EXOC6: variants seen among roughly 807,000 people sequenced by gnomAD.
EXOC6 encodes the protein SEC15-like 1.
A neutral mutation model predicts 112.5 loss-of-function variants in EXOC6; 60 were observed. The ratio of observed to expected loss-of-function variants is 0.53; its 90% CI spans 0.43 to 0.66. EXOC6 has a LOEUF of 0.66. Among genes scored for constraint, EXOC6 ranks in the 30% least tolerant of loss-of-function variants. The pLI is 0.00. For synonymous variants in EXOC6, 295 were observed against 308.0 expected (o/e 0.96, Z 0.44); for missense variants, 855 against 957.1 (o/e 0.89, Z 1.41).
At chr10:92,926,528 T>C (rs1391199290) in intron 8 of EXOC6, among the ~76,000 whole-genome samples, 1 of 137,088 alleles carries the variant, frequency 7.3e-6, no homozygotes, top group Non-Finnish European at 1.6e-5. Flanking sequence ...AAAAGAAAAA[T>C]AAAAAAAAAA....
chr10:93,013,860 C>T (rs966822573), intron 19 of EXOC6, among the ~76,000 whole-genome samples: 1 of 152,070 alleles, frequency 6.6e-6, no homozygotes, highest in Non-Finnish European at 1.5e-5. Flanking sequence ...CTTCTACAAT[C>T]GTTCACCTAA....
intron 6 of EXOC6, among the ~76,000 whole-genome samples, chr10:92,911,096 C>T (rs1850733670): frequency 1.4e-5 from 2 of 139,318 alleles, no homozygotes; most frequent in Admixed American, 1.5e-4. Flanking sequence ...TTTCTAAGAG[C>T]TGTTCTTGCA....
At chr10:92,873,261 G>A (rs978892212) in intron 1 of EXOC6, among the ~76,000 whole-genome samples, 1 of 152,122 alleles carries the variant, frequency 6.6e-6, no homozygotes, top group Non-Finnish European at 1.5e-5. Flanking sequence ...TTTCACCATG[G>A]AGGATGTTCA....
chr10:92,895,291 C>G (rs1849689291), intron 4 of EXOC6, among the ~76,000 whole-genome samples: 1 of 145,446 alleles, frequency 6.9e-6, no homozygotes. Context: ...GCCTTTTGTC[C>G]CCCATAACCC....
intron 6 of EXOC6, among the ~76,000 whole-genome samples, chr10:92,910,059 C>T (rs1442956677): frequency 1.3e-5 from 2 of 152,206 alleles, no homozygotes; most frequent in South Asian, 2.1e-4. Context: ...CAATAATAAA[C>T]GGACAAACAA....
intron 1 of EXOC6, among the ~76,000 whole-genome samples, chr10:92,849,185 T>A (rs1357111565): frequency 6.6e-6 from 1 of 151,920 alleles, no homozygotes; most frequent in African/African-American, 2.4e-5. Context: ...GCGGCCGCAG[T>A]GGGCGAGAAG....
At chr10:93,026,028 C>T (rs963738059) in intron 20 of EXOC6, among the ~76,000 whole-genome samples, 12 of 152,168 alleles carry the variant, frequency 7.9e-5, no homozygotes, top group African/African-American at 2.9e-4. Context: ...CTTTCTTTTG[C>T]TCATTGTCTT....
chr10:92,981,419 T>G (rs1427239566), intron 18 of EXOC6, among the ~76,000 whole-genome samples: 1 of 152,342 alleles, frequency 6.6e-6, no homozygotes, highest in East Asian at 1.9e-4. Flanking sequence ...GAAGGTAGTT[T>G]ATTGATTTAC....
chr10:93,005,720 G>A (rs1843946739), intron 19 of EXOC6, among the ~76,000 whole-genome samples: 1 of 152,152 alleles, frequency 6.6e-6, no homozygotes, highest in South Asian at 2.1e-4. Flanking sequence ...GCTCCTAAGG[G>A]TTTAACATCT....
At chr10:93,055,395 C>A (rs1846489855) in intron 20 of EXOC6, among the ~76,000 whole-genome samples, 1 of 152,110 alleles carries the variant, frequency 6.6e-6, no homozygotes, top group South Asian at 2.1e-4. Flanking sequence ...AGATTAATAT[C>A]TTTGTGCATA....
At chr10:92,979,615 G>C (rs779577541) in intron 18 of EXOC6, among the ~76,000 whole-genome samples, 2 of 152,054 alleles carry the variant, frequency 1.3e-5, no homozygotes, top group Non-Finnish European at 2.9e-5. Context: ...TTATATCCAA[G>C]GTTAGATGAG....
chr10:92,977,335 A>G (rs958973077), intron 18 of EXOC6, among the ~76,000 whole-genome samples: 29 of 152,092 alleles, frequency 1.9e-4, no homozygotes, highest in African/African-American at 6.3e-4. Context: ...CAAAGAACCA[A>G]TTAGAAAAGT....
intron 17 of EXOC6, among the ~76,000 whole-genome samples, chr10:92,968,064 G>A (rs1350568069): frequency 6.6e-6 from 1 of 152,024 alleles, no homozygotes; most frequent in East Asian, 1.9e-4. Context: ...TAGGTCATAA[G>A]CATTTACCAT....
At chr10:92,911,812 G>A (rs1371787602) in intron 6 of EXOC6, among the ~76,000 whole-genome samples, 1 of 151,970 alleles carries the variant, frequency 6.6e-6, no homozygotes, top group African/African-American at 2.4e-5. Context: ...TCCTTATAGT[G>A]AGAGTTAGAC....
At chr10:92,912,669 A>G (rs1037461475) in intron 6 of EXOC6, among the ~76,000 whole-genome samples, 18 of 152,220 alleles carry the variant, frequency 1.2e-4, no homozygotes, top group Non-Finnish European at 2.5e-4. Context: ...TCCATAACCT[A>G]TGATTAGCCA....
intron 1 of EXOC6, among the ~76,000 whole-genome samples, chr10:92,879,561 T>C (rs1848846475): frequency 6.7e-6 from 1 of 149,536 alleles, no homozygotes; most frequent in Admixed American, 6.7e-5. Flanking sequence ...ACATCTAACA[T>C]GAATAAATCA....
At chr10:92,864,758 T>G (rs1848094636) in intron 1 of EXOC6, among the ~76,000 whole-genome samples, 1 of 152,006 alleles carries the variant, frequency 6.6e-6, no homozygotes, top group African/African-American at 2.4e-5. Context: ...TGGTCTCAGG[T>G]CTTCAGACTG....
At chr10:92,992,097 C>T (rs1014406166) in intron 18 of EXOC6, among the ~76,000 whole-genome samples, 3 of 151,794 alleles carry the variant, frequency 2.0e-5, no homozygotes, top group Admixed American at 6.6e-5. Flanking sequence ...CAAGACCAGC[C>T]TGGCCAACAT....
rs181876466 is a variant in EXOC6 at position 92,872,716 on chromosome 10, G to T, written c.102-20633G>T. Reference sequence around the variant, plus strand: ...ATTTTGAAAAATAAAGATATTTATAGACTTTATAGTCTTTAGCATTGTAAA... The same window carrying T: ...ATTTTGAAAAATAAAGATATTTATATACTTTATAGTCTTTAGCATTGTAAA... On this transcript the variant is annotated intron_variant, in intron 1 of 21. Transcript: ENST00000260762. Among the ~76,000 whole-genome samples the T allele has an allele frequency of 2.7e-3, 405 of 152,124 alleles. 1 individual carries two copies. Among genetic ancestry groups the T allele is most frequent in the Non-Finnish European group, 2.8e-3 (190 of 67,982 alleles).
Sources: gnomAD v4.1 joint callset for allele counts (sites outside exome capture counted in the v4.1 genomes callset) on GRCh38, gnomAD v4.1.1 for gene constraint, MANE v1.5 for transcripts, NCBI Gene and HGNC (gene_info 2026-07-23, HGNC 2026-07-21) for gene names.